Variants in MCF2L2 observed in about 807,000 individuals in gnomAD.
MCF2L2 encodes the protein MCF.2 cell line derived transforming sequence-like 2, also known as probable guanine nucleotide exchange factor MCF2L2.
MCF2L2 carries 102 observed loss-of-function variants against 150.2 expected under a neutral mutation model. The ratio of observed to expected loss-of-function variants is 0.68; its 90% confidence interval spans 0.58 to 0.80. The LOEUF (loss-of-function observed/expected upper bound fraction) is 0.80. Among genes scored for constraint, MCF2L2 ranks in the 30% least tolerant of loss-of-function variants. The probability of loss-of-function intolerance (pLI) is 0.00; values close to 1 mark genes in which losing one functional copy is unlikely to be tolerated. For synonymous variants in MCF2L2, 465 were observed against 491.3 expected (o/e 0.95, Z 0.71); for missense variants, 1,256 against 1,372.8 (o/e 0.91, Z 1.34).
chr3:183,337,101 A>G (rs926910020), intron 5 of MCF2L2, among the ~76,000 whole-genome samples: 6 of 152,188 alleles, frequency 3.9e-5, no homozygotes, highest in African/African-American at 1.4e-4. Context: ...ACGCATCAGT[A>G]CTTCACTCTT....
chr3:183,270,445 A>C lies in MCF2L2; in HGVS notation c.1862+6427T>G. 6.2e-7 allele frequency: 1 copy of C among 1,614,220 alleles called. No homozygotes were observed. The highest frequency in any genetic ancestry group is 1.1e-5 in the South Asian group (1 of 91,086). ...CAAAGTTTAGAACAAATTGGTGTTC[A>C]AGACTTTTGGATTGGTCGTGTTCAT... On this transcript the variant is annotated intron_variant, in intron 15 of 29. Transcript: ENST00000328913. The surrounding 1 kb of genome is among the most constrained non-coding windows in gnomAD (Gnocchi z 4.5).
intron 3 of MCF2L2, among the ~76,000 whole-genome samples, chr3:183,351,991 T>C (rs1711517118): frequency 6.6e-6 from 1 of 152,144 alleles, no homozygotes; most frequent in South Asian, 2.1e-4. Context: ...ACAAATTCAG[T>C]TGAATTGGGT....
intron 9 of MCF2L2, chr3:183,310,562 C>T: frequency 3.5e-6 from 1 of 288,476 alleles, no homozygotes; most frequent in Non-Finnish European, 6.9e-6. Context: ...ACTTGGGAGG[C>T]TGAGGTGGGA....
intron 1 of MCF2L2, among the ~76,000 whole-genome samples, chr3:183,425,879 C>T (rs1288552098): frequency 1.3e-5 from 2 of 151,716 alleles, no homozygotes; most frequent in African/African-American, 2.4e-5. Flanking sequence ...CGCTTGAACC[C>T]GGGAGGCGGA....
chr3:183,294,317 G>A (rs1195360850), intron 13 of MCF2L2, among the ~76,000 whole-genome samples: 1 of 151,800 alleles, frequency 6.6e-6, no homozygotes, highest in East Asian at 1.9e-4. Context: ...ATTTTATGCT[G>A]TTATTATTAT....
At chr3:183,234,943 C>T (rs1723751800) in intron 15 of MCF2L2, among the ~76,000 whole-genome samples, 1 of 91,118 alleles carries the variant, frequency 1.1e-5, no homozygotes, top group Non-Finnish European at 2.1e-5. Flanking sequence ...TGAGAATATG[C>T]GGTGTTTGGT....
intron 15 of MCF2L2, among the ~76,000 whole-genome samples, chr3:183,247,940 G>C (rs1253768106): frequency 6.6e-6 from 1 of 152,070 alleles, no homozygotes; most frequent in Admixed American, 6.5e-5. Flanking sequence ...AAAACAAAAG[G>C]AAATCTATTG....
chr3:183,296,896 CT>C, intron 12 of MCF2L2, 79 bp downstream of exon 12: 3 of 1,473,060 alleles, frequency 2.0e-6, no homozygotes, highest in Non-Finnish European at 2.8e-6. Context: ...CCTGTGTGTA[CT>C]TTATCAGGAA....
At position 183,216,058 on chromosome 3, in the gene MCF2L2, T is replaced by C; in HGVS notation, c.2407A>G (p.Thr803Ala). Residue 803 changes from threonine to alanine, a missense_variant, in exon 22 of 30, where the codon ACT becomes GCT. Physicochemically the swap from Thr to Ala is moderately conservative, Grantham distance 58. Coordinates refer to ENST00000328913, the MANE Select transcript of MCF2L2 (RefSeq NM_015078.4). ...PKRTKDSAFS[T>A]ELQQALAVIE... The stretch of plus-strand genomic sequence containing the variant: ...ACTGCCAAAGCTTGTTGTAGTTCAG[T>C]TGAGAATGCTGAATCTTTGGTTCTC... 2 of 1,613,970 alleles carry C rather than the reference T, an allele frequency of 1.2e-6. No individual in the cohort carries two copies. Among genetic ancestry groups the C allele is most frequent in the South Asian group, 1.1e-5 (1 of 91,068 alleles).
intron 11 of MCF2L2, chr3:183,297,651 C>CCTTCCTTCCTTT (rs1373817643): frequency 1.8e-5 from 2 of 109,844 alleles, no homozygotes; most frequent in African/African-American, 7.6e-5. Context: ...TCCCTTCCTT[C>CCTTCCTTCCTTT]CTTCCTTCCT....
At chr3:183,319,989 A>G (rs1478625230) in intron 6 of MCF2L2, among the ~76,000 whole-genome samples, 1 of 152,100 alleles carries the variant, frequency 6.6e-6, no homozygotes, top group East Asian at 1.9e-4. Flanking sequence ...GAAGCCAGGC[A>G]TTCACTTCTC....
chr3:183,211,619 A>C (rs1376882757), intron 22 of MCF2L2, among the ~76,000 whole-genome samples: 1 of 152,206 alleles, frequency 6.6e-6, no homozygotes, highest in East Asian at 1.9e-4. Flanking sequence ...AGGAGCAAGA[A>C]TGACCTTTTC....
chr3:183,361,002 A>G (rs1712127192), intron 3 of MCF2L2, among the ~76,000 whole-genome samples: 31 of 137,084 alleles, frequency 2.3e-4, no homozygotes, highest in African/African-American at 9.6e-4. Flanking sequence ...AGAAAAGAAA[A>G]GAAAAGAAAA....
chr3:183,388,678 T>C (rs1435568694), intron 2 of MCF2L2, among the ~76,000 whole-genome samples: 1 of 152,202 alleles, frequency 6.6e-6, no homozygotes, highest in East Asian at 1.9e-4. Context: ...CAGTGACTGA[T>C]ATGGCGGAAA....
chr3:183,302,718 T>C (rs1728916223), intron 10 of MCF2L2, among the ~76,000 whole-genome samples: 1 of 152,032 alleles, frequency 6.6e-6, no homozygotes, highest in African/African-American at 2.4e-5. Flanking sequence ...GGATTGTTCT[T>C]CCCTGGGTCA....
At chr3:183,334,461 CAAG>C (rs901983649) in intron 5 of MCF2L2, among the ~76,000 whole-genome samples, 5 of 151,954 alleles carry the variant, frequency 3.3e-5, no homozygotes, top group Non-Finnish European at 5.9e-5. Flanking sequence ...GGCGATACTC[CAAG>C]AAGGACATGT....
At position 183,428,202 on chromosome 3, in the gene MCF2L2, G is replaced by C. The variant is rs916618529; in HGVS notation, c.-225C>G. The C allele has an allele frequency of 1.9e-6, 1 of 512,888 alleles. No homozygotes were observed. Among genetic ancestry groups the C allele is most frequent in the Non-Finnish European group, 3.4e-6 (1 of 293,682 alleles). The allele number at this position is 512,888 out of a possible 1,614,324, so 31.8% of individuals were successfully genotyped here. A position where few individuals can be genotyped will look rare whatever the true frequency, so the allele number is the denominator to read the frequency against. ...CCAAGTCTGGCGCTTTCCCAGCGTCGCAGCTGGACCGAGAGAGGAGCGGCC... is the reference window on the plus strand; with the variant it reads ...CCAAGTCTGGCGCTTTCCCAGCGTCCCAGCTGGACCGAGAGAGGAGCGGCC... On this transcript the variant is annotated 5_prime_UTR_variant, in exon 1 of 30. Transcript: ENST00000328913. This position sits in a 1 kb window ranked among gnomAD's most constrained non-coding sequence, Gnocchi z 5.1.
rs1314491372 is a variant in MCF2L2 at position 183,305,466 on chromosome 3, A to G, written c.1113+4250T>C. ...CCCTTCCCTCAGCATACAGTATTTC[A>G]CCCTTCAGAATTTTCCAGAAGACAT... is the stretch of plus-strand genomic sequence containing the variant. On this transcript the variant is annotated intron_variant, in intron 10 of 29. Coordinates refer to ENST00000328913, the MANE Select transcript of MCF2L2 (RefSeq NM_015078.4). The surrounding 1 kb of genome is among the most constrained non-coding windows in gnomAD (Gnocchi z 4.1). Among the ~76,000 whole-genome samples, 2 of 151,860 alleles carry G rather than the reference A, an allele frequency of 1.3e-5. No homozygotes were observed. The highest frequency in any genetic ancestry group is 4.8e-5 in the African/African-American group (2 of 41,312).
intron 15 of MCF2L2, chr3:183,253,198 G>C (rs1336446483): frequency 2.0e-5 from 3 of 150,206 alleles, no homozygotes; most frequent in Admixed American, 1.3e-4. Flanking sequence ...CCGAGAGTGC[G>C]GGGCGCGCGG....
Sources: gnomAD v4.1 joint callset for allele counts (sites outside exome capture counted in the v4.1 genomes callset) on GRCh38, gnomAD v4.1.1 for gene constraint, Gnocchi (gnomAD v3.1) non-coding constraint, MANE v1.5 for transcripts, NCBI Gene and HGNC (gene_info 2026-07-23, HGNC 2026-07-21) for gene names.